The following ANKS1B variants were observed in gnomAD, a reference collection of about 807,000 sequenced individuals.
The protein encoded by ANKS1B is ankyrin repeat and sterile alpha motif domain-containing protein 1B.
A neutral mutation model predicts 148.3 loss-of-function variants in ANKS1B; 36 were observed. The observed-to-expected ratio is 0.24, with a 90% CI of 0.19 to 0.32. ANKS1B has a LOEUF of 0.32. Ranked by LOEUF, ANKS1B falls within the 10% of genes least tolerant of loss-of-function variation. The pLI is 1.00. For synonymous variants in ANKS1B, 542 were observed against 560.8 expected (o/e 0.97, Z 0.47); for missense variants, 1,157 against 1,542.6 (o/e 0.75, Z 4.19).
At chr12:99,739,676 T>C (rs959544063) in intron 8 of ANKS1B, among the ~76,000 whole-genome samples, 1 of 152,174 alleles carries the variant, frequency 6.6e-6, no homozygotes, top group African/African-American at 2.4e-5. Context: ...CTCTATGTCA[T>C]CTCCGCCTCA....
intron 1 of ANKS1B, among the ~76,000 whole-genome samples, chr12:99,908,620 A>G (rs947881921): frequency 1.3e-5 from 2 of 152,142 alleles, no homozygotes; most frequent in African/African-American, 2.4e-5. Flanking sequence ...GTGATTCAAT[A>G]CATTTTTTCC....
At chr12:99,704,647 T>C (rs2055427393) in intron 8 of ANKS1B, among the ~76,000 whole-genome samples, 1 of 152,082 alleles carries the variant, frequency 6.6e-6, no homozygotes, top group South Asian at 2.1e-4. Flanking sequence ...ATTTCAGTTA[T>C]GCTCCCTTGC....
chr12:99,518,627 A>G (rs2096845682), intron 9 of ANKS1B, among the ~76,000 whole-genome samples: 1 of 151,910 alleles, frequency 6.6e-6, no homozygotes, highest in African/African-American at 2.4e-5. Context: ...AAGGTCTGTC[A>G]ATCTGAGTCT....
At chr12:99,470,134 A>AATG (rs1158647252) in intron 10 of ANKS1B, among the ~76,000 whole-genome samples, 1 of 151,602 alleles carries the variant, frequency 6.6e-6, no homozygotes, top group Non-Finnish European at 1.5e-5. Context: ...TAATAATAAT[A>AATG]ATAATAAAGT....
At chr12:99,588,608 A>C (rs1489864662) in intron 9 of ANKS1B, among the ~76,000 whole-genome samples, 2 of 152,138 alleles carry the variant, frequency 1.3e-5, no homozygotes, top group Non-Finnish European at 2.9e-5. Context: ...TATTTTGTAC[A>C]TAAAGATGAT....
chr12:99,497,302 C>A (rs1875289), intron 10 of ANKS1B, among the ~76,000 whole-genome samples: 40,338 of 152,038 alleles, frequency 0.27, 6,290 homozygotes, highest in African/African-American at 0.44. Context: ...CACAGACCCA[C>A]CCATCCATTT....
chr12:99,863,239 G>T (rs1021206999), intron 1 of ANKS1B, among the ~76,000 whole-genome samples: 1 of 151,952 alleles, frequency 6.6e-6, no homozygotes, highest in African/African-American at 2.4e-5. Context: ...CCCTGCCAAT[G>T]ATCTCCTTTG....
At chr12:99,661,822 T>A (rs990494840) in intron 8 of ANKS1B, among the ~76,000 whole-genome samples, 1 of 152,208 alleles carries the variant, frequency 6.6e-6, no homozygotes, top group Non-Finnish European at 1.5e-5. Context: ...TGCAGCTAGG[T>A]GTGACCACAT....
intron 9 of ANKS1B, among the ~76,000 whole-genome samples, chr12:99,604,449 A>T (rs946348351): frequency 6.6e-6 from 1 of 152,118 alleles, no homozygotes; most frequent in African/African-American, 2.4e-5. Flanking sequence ...GAACTTTGTC[A>T]AAAATGTCAA....
intron 11 of ANKS1B, among the ~76,000 whole-genome samples, chr12:99,429,242 T>G (rs1250796396): frequency 2.0e-5 from 3 of 152,184 alleles, no homozygotes; most frequent in Admixed American, 6.5e-5. Flanking sequence ...AAGGTGAACA[T>G]CATTTGAAAA....
At chr12:99,366,046 T>A (rs898008271) in intron 12 of ANKS1B, among the ~76,000 whole-genome samples, 1 of 152,182 alleles carries the variant, frequency 6.6e-6, no homozygotes, top group Non-Finnish European at 1.5e-5. Context: ...TAAGAGCTCA[T>A]CTTTTCTCTT....
intron 8 of ANKS1B, among the ~76,000 whole-genome samples, chr12:99,696,484 T>C (rs963704303): frequency 5.9e-5 from 9 of 152,114 alleles, no homozygotes; most frequent in African/African-American, 1.9e-4. Context: ...TCAATGTAGA[T>C]AGCGTTTCAA....
At chr12:98,916,957 C>T (rs922588591) in intron 17 of ANKS1B, among the ~76,000 whole-genome samples, 21 of 148,330 alleles carry the variant, frequency 1.4e-4, no homozygotes, top group Non-Finnish European at 2.4e-4. Flanking sequence ...CCCTAGTATT[C>T]AACTATTTTT....
At chr12:99,589,518 C>G (rs948988072) in intron 9 of ANKS1B, among the ~76,000 whole-genome samples, 8 of 152,084 alleles carry the variant, frequency 5.3e-5, no homozygotes, top group South Asian at 2.1e-4. Flanking sequence ...ATCTATATTG[C>G]CAGTTTCAAA....
intron 15 of ANKS1B, among the ~76,000 whole-genome samples, chr12:99,152,792 A>T (rs1206690181): frequency 6.6e-6 from 1 of 152,144 alleles, no homozygotes; most frequent in East Asian, 1.9e-4. Flanking sequence ...AGATATTGAA[A>T]TGTACAGTAA....
At chr12:99,045,131 T>G (rs1271850680) in intron 17 of ANKS1B, among the ~76,000 whole-genome samples, 1 of 152,208 alleles carries the variant, frequency 6.6e-6, no homozygotes, top group Non-Finnish European at 1.5e-5. Flanking sequence ...ATGTATTATA[T>G]TTGCCCTTGC....
intron 15 of ANKS1B, among the ~76,000 whole-genome samples, chr12:99,098,876 T>A (rs942453878): frequency 7.5e-5 from 11 of 147,144 alleles, no homozygotes; most frequent in African/African-American, 2.7e-4. Flanking sequence ...GGGTTTAATT[T>A]CTGTGGTTGC....
At chr12:99,316,047 C>T (rs1432840530) in intron 12 of ANKS1B, among the ~76,000 whole-genome samples, 1 of 152,168 alleles carries the variant, frequency 6.6e-6, no homozygotes, top group Non-Finnish European at 1.5e-5. Flanking sequence ...ATATGTGCCA[C>T]ATTTTCTTTA....
Position 99,051,868 on chromosome 12 carries a change from A to G in ANKS1B, c.2778+1289T>C, listed in dbSNP as rs11109710. On this transcript the variant is annotated intron_variant, in intron 17 of 26. Coordinates refer to ENST00000683438, the MANE Select transcript of ANKS1B (RefSeq NM_001352186.2). ...TTTAAAAGCAAGGAATTAATTAGTTACTAATAATAACCATCATTTAAAATA... is the reference window on the plus strand; with the variant it reads ...TTTAAAAGCAAGGAATTAATTAGTTGCTAATAATAACCATCATTTAAAATA... Among the ~76,000 whole-genome samples, 702 of 152,352 alleles carry G rather than the reference A, an allele frequency of 4.6e-3. 10 individuals carry two copies. The highest frequency in any genetic ancestry group is 0.016 in the African/African-American group (673 of 41,576).
Sources: gnomAD v4.1 joint callset for allele counts (sites outside exome capture counted in the v4.1 genomes callset) on GRCh38, gnomAD v4.1.1 for gene constraint, MANE v1.5 for transcripts, NCBI Gene and HGNC (gene_info 2026-07-23, HGNC 2026-07-21) for gene names.